CNTN6: variants seen among roughly 807,000 people sequenced by gnomAD.
The protein encoded by CNTN6 is contactin 6, also known as contactin-6.
In CNTN6, 137 loss-of-function variants were observed where a neutral mutation model predicts 122.8. The observed-to-expected ratio is 1.12, with a 90% CI of 0.97 to 1.29. The LOEUF (loss-of-function observed/expected upper bound fraction) is 1.29. Ranked by LOEUF, CNTN6 falls within the 50% of genes most tolerant of loss-of-function variation. CNTN6 has a pLI of 0.00. For missense variants in CNTN6, 1,634 were observed against 1,223.4 expected, an observed-to-expected ratio of 1.34 and a Z score of -5.01; for synonymous variants, 570 against 426.0, an observed-to-expected ratio of 1.34 and a Z score of -4.16.
intron 2 of CNTN6, among the ~76,000 whole-genome samples, chr3:1,199,261 C>T (rs1245998346): frequency 6.6e-6 from 1 of 150,606 alleles, no homozygotes; most frequent in Non-Finnish European, 1.5e-5. Flanking sequence ...TCTCTGCTGC[C>T]TCAGCCACCT....
intron 2 of CNTN6, among the ~76,000 whole-genome samples, chr3:1,181,607 T>G (rs2093555318): frequency 6.6e-6 from 1 of 152,158 alleles, no homozygotes; most frequent in Non-Finnish European, 1.5e-5. Flanking sequence ...TGTACTTGTG[T>G]GTATGTGTGT....
chr3:1,313,582 C>T (rs155409), intron 7 of CNTN6, among the ~76,000 whole-genome samples: 50,208 of 151,842 alleles, frequency 0.33, 14,511 homozygotes, highest in African/African-American at 0.79. Flanking sequence ...AATTTGCCTG[C>T]GTCCTTTTTT....
intron 2 of CNTN6, among the ~76,000 whole-genome samples, chr3:1,179,768 A>C (rs2093519682): frequency 6.6e-6 from 1 of 152,050 alleles, no homozygotes; most frequent in Non-Finnish European, 1.5e-5. Context: ...TTGTGTGTGC[A>C]TGAGCTTCTG....
At chr3:1,111,022 G>T (rs900451482) in intron 1 of CNTN6, among the ~76,000 whole-genome samples, 1 of 152,134 alleles carries the variant, frequency 6.6e-6, no homozygotes, top group Non-Finnish European at 1.5e-5. Flanking sequence ...TTTTTCCTAT[G>T]TGTAAAATTG....
chr3:1,245,264 T>TATATATAAC (rs2094555499), intron 4 of CNTN6, among the ~76,000 whole-genome samples: 3 of 4,830 alleles, frequency 6.2e-4, no homozygotes, highest in Non-Finnish European at 8.0e-4. Flanking sequence ...ATAACATATA[T>TATATATAAC]ATATATATAT....
chr3:1,229,999 A>T (rs566963456), intron 4 of CNTN6, among the ~76,000 whole-genome samples: 38 of 152,136 alleles, frequency 2.5e-4, no homozygotes, highest in Non-Finnish European at 4.9e-4. Context: ...TTCTCATTGT[A>T]TCCGGGGAGA....
intron 2 of CNTN6, among the ~76,000 whole-genome samples, chr3:1,181,699 T>A (rs2093556836): frequency 6.6e-6 from 1 of 152,132 alleles, no homozygotes; most frequent in Admixed American, 6.6e-5. Context: ...ATAGGGTTTA[T>A]CCCTTGTGAC....
At chr3:1,177,962 G>A (rs1385169432) in intron 2 of CNTN6, among the ~76,000 whole-genome samples, 1 of 149,380 alleles carries the variant, frequency 6.7e-6, no homozygotes, top group Non-Finnish European at 1.5e-5. Context: ...GTACAGTGGT[G>A]CAATCTCCGC....
At chr3:1,386,381 T>C (rs924897835) in intron 20 of CNTN6, among the ~76,000 whole-genome samples, 7 of 152,164 alleles carry the variant, frequency 4.6e-5, no homozygotes, top group African/African-American at 1.7e-4. Context: ...GTCCCTGAAA[T>C]CTAAGAATGA....
At chr3:1,295,540 GA>G in intron 5 of CNTN6, 60 bp from the exon 6 acceptor site, 2 of 1,410,796 alleles carry the variant, frequency 1.4e-6, no homozygotes, top group Non-Finnish European at 2.0e-6. Flanking sequence ...TTTCAGATAT[GA>G]ATGAATGCAG....
intron 2 of CNTN6, among the ~76,000 whole-genome samples, chr3:1,188,347 T>A (rs1036859530): frequency 3.9e-5 from 6 of 152,218 alleles, no homozygotes; most frequent in African/African-American, 1.4e-4. Context: ...AAGGAGATTT[T>A]TATATTCAAA....
intron 17 of CNTN6, among the ~76,000 whole-genome samples, chr3:1,379,274 A>G (rs915817970): frequency 6.6e-6 from 1 of 152,166 alleles, no homozygotes; most frequent in African/African-American, 2.4e-5. Context: ...AAATTTGTCT[A>G]GTTTCCTGTT....
intron 5 of CNTN6, among the ~76,000 whole-genome samples, chr3:1,283,204 C>G (rs1367895042): frequency 1.3e-5 from 2 of 152,162 alleles, no homozygotes; most frequent in African/African-American, 4.8e-5. Flanking sequence ...ATCCGCCTGC[C>G]TCGGCTTCCC....
intron 2 of CNTN6, among the ~76,000 whole-genome samples, chr3:1,202,364 C>T (rs910233370): frequency 3.3e-5 from 5 of 151,786 alleles, no homozygotes; most frequent in African/African-American, 1.2e-4. Context: ...CACGGTGAAA[C>T]CGCGTCTCTA....
intron 20 of CNTN6, among the ~76,000 whole-genome samples, chr3:1,391,641 T>G (rs1438623036): frequency 6.6e-6 from 1 of 151,520 alleles, no homozygotes; most frequent in African/African-American, 2.4e-5. Flanking sequence ...GAGATGATTG[T>G]ATATCTAGAA....
chr3:1,394,309 G>C (rs1162976808), intron 20 of CNTN6: 2 of 183,618 alleles, frequency 1.1e-5, no homozygotes, highest in Non-Finnish European at 2.3e-5. Flanking sequence ...CCCCGAAACA[G>C]GGCTCCACTG....
intron 12 of CNTN6, among the ~76,000 whole-genome samples, chr3:1,370,058 A>G (rs1388804825): frequency 6.6e-6 from 1 of 151,950 alleles, no homozygotes; most frequent in Non-Finnish European, 1.5e-5. Flanking sequence ...AATGTAACAA[A>G]CTTAATAATT....
At chr3:1,341,022 C>G (rs1014760966) in intron 11 of CNTN6, among the ~76,000 whole-genome samples, 1 of 152,082 alleles carries the variant, frequency 6.6e-6, no homozygotes, top group African/African-American at 2.4e-5. Context: ...AACTTCAAAG[C>G]CCTGAGGAAA....
chr3:1,288,594 T>C (rs941197852), intron 5 of CNTN6, among the ~76,000 whole-genome samples: 7 of 152,212 alleles, frequency 4.6e-5, no homozygotes, highest in African/African-American at 1.7e-4. Context: ...TTCTTTATTC[T>C]ACTCATTTAT....
Sources: gnomAD v4.1 joint callset for allele counts (sites outside exome capture counted in the v4.1 genomes callset) on GRCh38, gnomAD v4.1.1 for gene constraint, MANE v1.5 for transcripts, NCBI Gene and HGNC (gene_info 2026-07-23, HGNC 2026-07-21) for gene names.